Variants in ADCYAP1R1 observed in about 807,000 individuals in gnomAD.
ADCYAP1R1 encodes pituitary adenylate cyclase-activating polypeptide type I receptor.
Under a neutral mutation model 67.6 loss-of-function variants are expected in ADCYAP1R1, and 44 were observed. The observed-to-expected ratio is 0.65, with a 90% CI of 0.51 to 0.84. The LOEUF is 0.84. ADCYAP1R1 is among the 40% of genes least tolerant of loss of function. The probability of loss-of-function intolerance (pLI) is 0.00; values close to 1 mark genes in which losing one functional copy is unlikely to be tolerated. For missense variants in ADCYAP1R1, 477 were observed against 587.9 expected (o/e 0.81, Z 1.95); for synonymous variants, 222 against 219.6 (o/e 1.01, Z -0.10).
Position 31,089,070 on chromosome 7 carries a change from T to C in ADCYAP1R1, c.954+1374T>C, listed in dbSNP as rs531146392. Reference sequence around the variant, plus strand: ...TTAGTTTTCTTCCTTGTTCTTGTTATGTTTACCTCTAAGGTGTTTTCCAGT... The same window carrying C: ...TTAGTTTTCTTCCTTGTTCTTGTTACGTTTACCTCTAAGGTGTTTTCCAGT... On this transcript the variant is annotated intron_variant, in intron 12 of 15. Coordinates refer to ENST00000304166, the MANE Select transcript of ADCYAP1R1 (RefSeq NM_001118.5). Among the ~76,000 whole-genome samples, 3 of 152,232 alleles carry C rather than the reference T, an allele frequency of 2.0e-5. No homozygotes were observed. The East Asian group carries it at 5.8e-4, about 29-fold the overall frequency.
At chr7:31,077,858 G>A in intron 3 of ADCYAP1R1, 133 bp from the exon 4 acceptor site, 2 of 561,602 alleles carry the variant, frequency 3.6e-6, no homozygotes, top group Non-Finnish European at 6.3e-6. Context: ...TGTTGTGTGT[G>A]TAGCATGTAT....
At chr7:31,078,802 A>G (rs940648307) in intron 4 of ADCYAP1R1, among the ~76,000 whole-genome samples, 5 of 152,196 alleles carry the variant, frequency 3.3e-5, no homozygotes, top group Non-Finnish European at 5.9e-5. Flanking sequence ...AGAGGGTGCC[A>G]CACACGGGGA....
intron 13 of ADCYAP1R1, among the ~76,000 whole-genome samples, chr7:31,099,882 T>C (rs1796364017): frequency 6.6e-6 from 1 of 152,208 alleles, no homozygotes; most frequent in South Asian, 2.1e-4. Context: ...CACCTAGCAG[T>C]GGTCCCAGTG....
chr7:31,093,552 A>C lies in ADCYAP1R1; in HGVS notation c.1046+817A>C, dbSNP rs371180373. 8.4e-4 allele frequency among the ~76,000 whole-genome samples: 128 copies of C among 152,116 alleles called. 3 individuals are homozygous for C. The South Asian group carries it at 0.026, about 31-fold the overall frequency. ...GCATGACCAGCTGGGTGTGTGGGGTATGAGGACATTTCTGATGCTGGGGAG... is the reference window on the plus strand; with the variant it reads ...GCATGACCAGCTGGGTGTGTGGGGTCTGAGGACATTTCTGATGCTGGGGAG... On this transcript the variant is annotated intron_variant, in intron 13 of 15. Transcript: ENST00000304166.
Position 31,067,902 on chromosome 7 carries a change from G to A in ADCYAP1R1, c.157+2966G>A, listed in dbSNP as rs144182396. On this transcript the variant is annotated intron_variant, in intron 3 of 15. Coordinates refer to ENST00000304166, the MANE Select transcript of ADCYAP1R1 (RefSeq NM_001118.5). ...GGAGCTGTCATCTTGGAGTGTTGGGGGTTTCCAGGGCTCCCACCTTCTGCT... is the reference window on the plus strand; with the variant it reads ...GGAGCTGTCATCTTGGAGTGTTGGGAGTTTCCAGGGCTCCCACCTTCTGCT... Among the ~76,000 whole-genome samples, 362 of 152,294 alleles carry A rather than the reference G, an allele frequency of 2.4e-3. 2 individuals are homozygous for A. The highest frequency in any genetic ancestry group is 8.3e-3 in the African/African-American group (345 of 41,556).
intron 3 of ADCYAP1R1, among the ~76,000 whole-genome samples, chr7:31,066,698 G>A (rs77349993): frequency 0.015 from 2,246 of 152,318 alleles, 58 homozygotes; most frequent in African/African-American, 0.051. Context: ...GCTTGGGTCT[G>A]TCATAGTCAC....
At chr7:31,084,667 G>A in intron 7 of ADCYAP1R1, 70 bp from the exon 8 acceptor site, 1 of 1,300,312 alleles carries the variant, frequency 7.7e-7, no homozygotes. Context: ...GAGACTGGGT[G>A]CAGGCCTGAG....
chr7:31,077,000 G>T (rs1213142804), intron 3 of ADCYAP1R1, among the ~76,000 whole-genome samples: 2 of 152,192 alleles, frequency 1.3e-5, no homozygotes, highest in Non-Finnish European at 2.9e-5. Flanking sequence ...CTGTGGGGCT[G>T]CGGGTCTTCG....
intron 3 of ADCYAP1R1, among the ~76,000 whole-genome samples, chr7:31,067,670 C>T (rs1380648091): frequency 6.6e-6 from 1 of 152,192 alleles, no homozygotes; most frequent in Non-Finnish European, 1.5e-5. Flanking sequence ...GAGTGACATG[C>T]TGTGGGTCCC....
rs767475804 is a variant in ADCYAP1R1 at position 31,084,147 on chromosome 7, G to T, written c.335G>T (p.Gly112Val). 7 of 1,614,102 alleles carry T rather than the reference G, an allele frequency of 4.3e-6. No individual in the cohort carries two copies. In the Admixed American group the frequency reaches 1.2e-4, roughly 27 times the overall value. Residue 112 changes from glycine to valine, a missense_variant, in exon 7 of 16, where the codon GGA becomes GTA. By Grantham distance (109) the Gly-to-Val change is moderately radical. Transcript: ENST00000304166. ...AGTTTTCTTTTTGCTGCAGACATGG[G>T]AGTGGTGAGCCGGAACTGCACGGAG... ...DSNSLDLSDMGVVSRNCTEDG... is the reference protein window; with the variant it reads ...DSNSLDLSDMVVVSRNCTEDG...
rs1794667708 is a variant in ADCYAP1R1, at chr7:31,064,838, C to T, written c.59C>T (p.Ala20Val). The change falls in exon 3 of 16, where the codon GCC becomes GTC. Residue 20 changes from alanine (A) to valine (V), a missense_variant. Physicochemically the swap from Ala to Val is moderately conservative, Grantham distance 64 (BLOSUM62 0). Transcript: ENST00000304166. ...AALLLLPMAP[A>V]MHSDCIFKKE... is the part of the protein sequence containing the mutation. Reference sequence around the variant, plus strand: ...TCCTGTGTTCTCCTACAGGCCCCTGCCATGCATTCTGACTGCATCTTCAAG... The same window carrying T: ...TCCTGTGTTCTCCTACAGGCCCCTGTCATGCATTCTGACTGCATCTTCAAG... 8 of 1,610,962 alleles carry T rather than the reference C, an allele frequency of 5.0e-6. No homozygotes were observed. The East Asian group carries it at 1.6e-4, about 31-fold the overall frequency.
At chr7:31,097,150 C>T (rs916342556) in intron 13 of ADCYAP1R1, among the ~76,000 whole-genome samples, 1 of 152,240 alleles carries the variant, frequency 6.6e-6, no homozygotes, top group Non-Finnish European at 1.5e-5. Flanking sequence ...GGCCAAGGCT[C>T]TCTGAAAGGC....
At position 31,086,605 on chromosome 7, in the gene ADCYAP1R1, G is replaced by A; in HGVS notation, c.823+68G>A. The A allele has an allele frequency of 1.3e-6, 2 of 1,585,194 alleles. No homozygotes were observed. The highest frequency in any genetic ancestry group is 2.3e-5 in the South Asian group (2 of 87,452). On this transcript the variant is annotated intron_variant, in intron 10 of 15. Coordinates refer to ENST00000304166, the MANE Select transcript of ADCYAP1R1 (RefSeq NM_001118.5). The surrounding 1 kb of genome is among the most constrained non-coding windows in gnomAD (Gnocchi z 5.0). The stretch of plus-strand genomic sequence containing the variant: ...TCAGGTGTGTCCAGGTGTGTCTTTG[G>A]TTCCATCTTCAGGAAGTGTCAGGTG...
At chr7:31,104,757 C>T (rs750736329) in intron 14 of ADCYAP1R1, 111 bp from the exon 15 acceptor site, 4 of 1,227,166 alleles carry the variant, frequency 3.3e-6, no homozygotes, top group Non-Finnish European at 4.8e-6. Flanking sequence ...CAGGTGCCCC[C>T]ATCCAGGTCA....
intron 6 of ADCYAP1R1, among the ~76,000 whole-genome samples, chr7:31,083,771 G>T (rs1001111455): frequency 1.3e-5 from 2 of 152,180 alleles, no homozygotes; most frequent in South Asian, 4.1e-4. Context: ...CTAAGGGCAG[G>T]CCTGGAATCT....
Position 31,084,914 on chromosome 7 carries a change from C to G in ADCYAP1R1, c.536+80C>G, listed in dbSNP as rs147848040. The G allele has an allele frequency of 5.6e-4, 727 of 1,303,966 alleles. 3 individuals are homozygous for G. The African/African-American group carries it at 7.8e-3, about 14-fold the overall frequency. 80.8% of individuals were successfully genotyped at this position (1,303,966 alleles called of 1,614,324 possible). A position where few individuals can be genotyped will look rare whatever the true frequency, so the allele number is the denominator to read the frequency against. Reference sequence around the variant, plus strand: ...GCCTTGGTGCATCTCTCCCCTCCCCCCTTGATGTCAGCCCTAGAAGACCCC... The same window carrying G: ...GCCTTGGTGCATCTCTCCCCTCCCCGCTTGATGTCAGCCCTAGAAGACCCC... On this transcript the variant is annotated intron_variant, in intron 8 of 15. Coordinates refer to ENST00000304166, the MANE Select transcript of ADCYAP1R1 (RefSeq NM_001118.5).
chr7:31,110,069 C>A lies in ADCYAP1R1; in HGVS notation c.*3385C>A, dbSNP rs1462799348. ...ATCTATAATCCCCGCCAAGGATGCC[C>A]ACTCACCTCTCTCATCTGATCCTCA... On this transcript the variant is annotated 3_prime_UTR_variant, in exon 16 of 16. Coordinates refer to ENST00000304166, the MANE Select transcript of ADCYAP1R1 (RefSeq NM_001118.5). 1 of 151,796 alleles carries A rather than the reference C, an allele frequency of 6.6e-6. No individual in the cohort carries two copies. The highest frequency in any genetic ancestry group is 6.6e-5 in the Admixed American group (1 of 15,260). The allele number at this position is 151,796 out of a possible 1,614,324, so 9.4% of individuals were successfully genotyped here. A position where few individuals can be genotyped will look rare whatever the true frequency, so the allele number is the denominator to read the frequency against.
At chr7:31,092,825 C>G (rs577814286) in intron 13 of ADCYAP1R1, 90 bp downstream of exon 13, 1 of 880,644 alleles carries the variant, frequency 1.1e-6, no homozygotes, top group East Asian at 2.5e-5. Context: ...CTGGGCTTTG[C>G]TGATAGGGTG....
At chr7:31,074,286 C>T (rs1795110388) in intron 3 of ADCYAP1R1, among the ~76,000 whole-genome samples, 4 of 152,162 alleles carry the variant, frequency 2.6e-5, no homozygotes, top group African/African-American at 4.8e-5. Flanking sequence ...AGAGACCTGC[C>T]GTTTCCCCTC....
Sources: allele counts gnomAD v4.1 joint callset (sites outside exome capture counted in the v4.1 genomes callset), GRCh38; gene constraint gnomAD v4.1.1; non-coding constraint Gnocchi (gnomAD v3.1); transcripts MANE v1.5; gene names NCBI Gene and HGNC (gene_info 2026-07-23, HGNC 2026-07-21).